Variants in XKRX observed in about 807,000 individuals in gnomAD.
The protein encoded by XKRX is XK-related protein 2.
Under a neutral mutation model 22.4 loss-of-function variants are expected in XKRX, and 11 were observed. The ratio of observed to expected loss-of-function variants is 0.49; its 90% confidence interval spans 0.31 to 0.81. The LOEUF (loss-of-function observed/expected upper bound fraction) is 0.81, where lower values mean the gene tolerates loss of function less well. XKRX is among the 40% of genes least tolerant of loss of function. XKRX has a pLI of 0.05. For synonymous variants in XKRX, 114 were observed against 132.2 expected, an observed-to-expected ratio of 0.86 and a Z score of 0.94; for missense variants, 320 against 336.5, an observed-to-expected ratio of 0.95 and a Z score of 0.38.
At chrX:100,924,057 G>A (rs1189307277) in intron 1 of XKRX, among the ~76,000 whole-genome samples, 2 of 80,794 alleles carry the variant, frequency 2.5e-5, no homozygotes, top group East Asian at 4.0e-4. Flanking sequence ...TCACCATGTT[G>A]GCCAGGCTGG....
chrX:100,897,563 C>CA, the XKRX span, among the ~76,000 whole-genome samples: 475 of 56,977 alleles, frequency 8.3e-3, 17 homozygotes, highest in East Asian at 0.084. Context: ...CCAGCCTGGG[C>CA]AAAAAAAAAA....
chrX:100,955,057 A>G, the XKRX span, among the ~76,000 whole-genome samples: 3 of 112,311 alleles, frequency 2.7e-5, no homozygotes, highest in South Asian at 1.1e-3. Flanking sequence ...GGAGAATTGT[A>G]TGATATGTGA....
the XKRX span, chrX:100,957,216 T>C: frequency 9.9e-7 from 1 of 1,008,372 alleles, no homozygotes; most frequent in Non-Finnish European, 1.4e-6. Context: ...TGGAATGACT[T>C]GTCAGTATCG....
the XKRX span, among the ~76,000 whole-genome samples, chrX:100,901,486 G>A: frequency 6.3e-5 from 7 of 111,531 alleles, no homozygotes; most frequent in Non-Finnish European, 1.3e-4. Context: ...ATCCATGAAA[G>A]AAAACTAGTA....
At chrX:100,938,056 C>T in the XKRX span, among the ~76,000 whole-genome samples, 2 of 111,531 alleles carry the variant, frequency 1.8e-5, no homozygotes, top group East Asian at 5.6e-4. Flanking sequence ...GAAAGGATCC[C>T]GAAACCATAA....
the XKRX span, among the ~76,000 whole-genome samples, chrX:100,903,944 T>G: frequency 9.0e-6 from 1 of 111,718 alleles, no homozygotes; most frequent in Non-Finnish European, 1.9e-5. Flanking sequence ...ACAATCCCAA[T>G]CAAAATCCCA....
the XKRX span, among the ~76,000 whole-genome samples, chrX:100,890,159 T>C: frequency 9.0e-6 from 1 of 110,946 alleles, no homozygotes; most frequent in Non-Finnish European, 1.9e-5. Context: ...TTCAGAGAGG[T>C]AGATAAAAGT....
At chrX:100,930,881 C>T (rs1444346300), upstream of XKRX, among the ~76,000 whole-genome samples, 6 of 110,567 alleles carry the variant, frequency 5.4e-5, no homozygotes, top group Admixed American at 4.8e-4. Context: ...CCTGTAATCC[C>T]AGCATTTCGG....
At chrX:100,957,302 A>G in the XKRX span, 3 of 1,048,293 alleles carry the variant, frequency 2.9e-6, no homozygotes, top group Non-Finnish European at 2.7e-6. Flanking sequence ...ATCTTTGTCA[A>G]AAATACTTAC....
chrX:100,912,887 A>G (rs186274008), downstream of XKRX, among the ~76,000 whole-genome samples: 34 of 111,734 alleles, frequency 3.0e-4, no homozygotes, highest in Admixed American at 2.9e-3. Context: ...GTTGATAAAC[A>G]TATGTTCCTT....
At chrX:100,957,347 T>G in the XKRX span, 3 of 1,170,714 alleles carry the variant, frequency 2.6e-6, no homozygotes, top group African/African-American at 5.3e-5. Context: ...CTCCGGTTAC[T>G]GGTCTTTTCC....
the XKRX span, among the ~76,000 whole-genome samples, chrX:100,898,493 G>C: frequency 3.7e-5 from 4 of 108,702 alleles, no homozygotes; most frequent in Non-Finnish European, 5.7e-5. Flanking sequence ...ATAGCACTTA[G>C]GACAAGCAAT....
chrX:100,957,280 GAGA>G, the XKRX span: 1 of 991,946 alleles, frequency 1.0e-6, no homozygotes. Flanking sequence ...GGTTGGGGTG[GAGA>G]AGATGTTCAT....
the XKRX span, among the ~76,000 whole-genome samples, chrX:100,934,515 C>T: frequency 9.0e-6 from 1 of 111,659 alleles, no homozygotes; most frequent in Non-Finnish European, 1.9e-5. Flanking sequence ...ATGAAGCCCA[C>T]TGACATTATG....
chrX:100,898,460 T>C, the XKRX span, among the ~76,000 whole-genome samples: 1 of 109,405 alleles, frequency 9.1e-6, no homozygotes, highest in Non-Finnish European at 1.9e-5. Flanking sequence ...GCCAAAAGCA[T>C]TTCACAGCAG....
chrX:100,956,424 AGAGT>A, the XKRX span, among the ~76,000 whole-genome samples: 1 of 111,908 alleles, frequency 8.9e-6, no homozygotes, highest in Non-Finnish European at 1.9e-5. Flanking sequence ...CCTGTGCAAC[AGAGT>A]GAGACCCTGT....
the XKRX span, chrX:100,888,378 T>C: frequency 1.3e-6 from 1 of 781,980 alleles, no homozygotes; most frequent in Non-Finnish European, 1.9e-6. Context: ...CTTGCATTCG[T>C]GGCTGCATCC....
At chrX:100,916,782 T>C (rs2085437962) in intron 2 of XKRX, among the ~76,000 whole-genome samples, 2 of 112,200 alleles carry the variant, frequency 1.8e-5, no homozygotes, top group African/African-American at 3.2e-5. Flanking sequence ...CAATAAATGT[T>C]TGTGGAATTA....
the XKRX span, among the ~76,000 whole-genome samples, chrX:100,895,294 T>C: frequency 8.9e-6 from 1 of 112,422 alleles, no homozygotes; most frequent in African/African-American, 3.2e-5. Context: ...GAAAATTTGC[T>C]GTTAATTAAA....
Sources: gnomAD v4.1 joint callset for allele counts (sites outside exome capture counted in the v4.1 genomes callset) on GRCh38, gnomAD v4.1.1 for gene constraint, MANE v1.5 for transcripts, NCBI Gene and HGNC (gene_info 2026-07-23, HGNC 2026-07-21) for gene names.